Variants in GALNT8 observed in about 807,000 individuals in gnomAD.
GALNT8 encodes the protein polypeptide N-acetylgalactosaminyltransferase 8.
GALNT8 carries 66 observed loss-of-function variants against 62.7 expected under a neutral mutation model. That is an observed-to-expected ratio of 1.05 (90% CI 0.86 to 1.29). The LOEUF (loss-of-function observed/expected upper bound fraction) is 1.29. Among genes scored for constraint, GALNT8 ranks in the 50% most tolerant of loss-of-function variants. GALNT8 has a pLI of 0.00. For synonymous variants in GALNT8, 288 were observed against 294.3 expected (o/e 0.98, Z 0.22); for missense variants, 771 against 791.8 (o/e 0.97, Z 0.32).
In GALNT8 at chr12:4,771,459, T is replaced by C. The variant is rs529631314; in HGVS notation, c.1762-986T>C. Among the ~76,000 whole-genome samples the C allele has an allele frequency of 6.6e-5, 10 of 151,846 alleles. No individual in the cohort carries two copies. The South Asian group carries it at 2.1e-3, about 32-fold the overall frequency. On this transcript the variant is annotated intron_variant, in intron 10 of 10. Coordinates refer to ENST00000252318, the MANE Select transcript of GALNT8 (RefSeq NM_017417.2). ...AAGGGCTGTTAGAGGCAGTTTGTGA[T>C]TGGAAGAGATGAGAGGCAGGGAGGT...
chr12:4,770,663 C>CTGGGGCACTGAGGAGTCCAATTATTTGCT, intron 10 of GALNT8, among the ~76,000 whole-genome samples: 1 of 152,164 alleles, frequency 6.6e-6, no homozygotes, highest in Non-Finnish European at 1.5e-5. Context: ...CATGAAGTAA[C>CTGGGGCACTGAGGAGTCCAATTATTTGCT]TGGGGCACTG....
At chr12:4,732,003 C>G (rs1946223952) in intron 2 of GALNT8, among the ~76,000 whole-genome samples, 1 of 152,028 alleles carries the variant, frequency 6.6e-6, no homozygotes, top group South Asian at 2.1e-4. Context: ...TAGGGGAGAC[C>G]TATGTGTGGG....
chr12:4,732,391 A>G (rs1433187954), intron 2 of GALNT8, among the ~76,000 whole-genome samples: 1 of 150,968 alleles, frequency 6.6e-6, no homozygotes, highest in Non-Finnish European at 1.5e-5. Context: ...CAACCAACAA[A>G]CACTTTTTCA....
chr12:4,720,674 G>A lies in GALNT8; in HGVS notation c.-4G>A. The A allele has an allele frequency of 3.1e-6, 5 of 1,597,892 alleles. No homozygotes were observed. Among genetic ancestry groups the A allele is most frequent in the Non-Finnish European group, 4.3e-6 (5 of 1,165,210 alleles). ...ACAGGGAGTGGACGACCCCCAGGAA[G>A]AAGATGATGTTTTGGAGGAAACTCC... is the stretch of plus-strand genomic sequence containing the variant. On this transcript the variant is annotated 5_prime_UTR_variant, in exon 1 of 11. Transcript: ENST00000252318.
rs75498746 is a variant in GALNT8, at chr12:4,742,358, T to C, written c.677-2159T>C. Among the ~76,000 whole-genome samples the C allele has an allele frequency of 3.8e-3, 582 of 152,358 alleles. 4 individuals carry two copies. Among genetic ancestry groups the C allele is most frequent in the African/African-American group, 0.013 (548 of 41,580 alleles). On this transcript the variant is annotated intron_variant, in intron 3 of 10. Transcript: ENST00000252318. ...CTCAAATGTTATGTGAGATGTAAGC[T>C]TTTTAAAAATTATATCAAGGTAGGT...
intron 6 of GALNT8, among the ~76,000 whole-genome samples, chr12:4,759,475 C>CT (rs3837512): frequency 0.37 from 55,648 of 148,548 alleles, 10,742 homozygotes; most frequent in Admixed American, 0.44. Flanking sequence ...GCAAAACACT[C>CT]TAGCTGCCAG....
At chr12:4,743,459 TC>T (rs569910216) in intron 3 of GALNT8, among the ~76,000 whole-genome samples, 191 of 152,346 alleles carry the variant, frequency 1.3e-3, no homozygotes, top group Non-Finnish European at 1.7e-3. Context: ...AGGTGTTGAT[TC>T]CAGGTCTTGA....
At chr12:4,769,658 C>T (rs1946414386) in intron 10 of GALNT8, among the ~76,000 whole-genome samples, 1 of 151,760 alleles carries the variant, frequency 6.6e-6, no homozygotes, top group Non-Finnish European at 1.5e-5. Flanking sequence ...GTAAAGACCA[C>T]ATATACAATA....
intron 1 of GALNT8, among the ~76,000 whole-genome samples, chr12:4,721,840 T>C (rs1171799836): frequency 6.6e-6 from 1 of 152,182 alleles, no homozygotes; most frequent in Non-Finnish European, 1.5e-5. Flanking sequence ...ATATTTCAGA[T>C]GGTCACATGG....
In GALNT8 at chr12:4,726,041, C is replaced by G. The variant is rs1946193994; in HGVS notation, c.212-491C>G. On this transcript the variant is annotated intron_variant, in intron 1 of 10. Transcript: ENST00000252318. This position sits in a 1 kb window ranked among gnomAD's most constrained non-coding sequence, Gnocchi z 4.1. The stretch of plus-strand genomic sequence containing the variant: ...TGTAGTAAGTGTTTCTTAAGTTTTA[C>G]TGTAAAAAGAATTACTCCTTGGTTT... 6.6e-6 allele frequency among the ~76,000 whole-genome samples: 1 copy of G among 152,094 alleles called. No individual in the cohort carries two copies. Among genetic ancestry groups the G allele is most frequent in the African/African-American group, 2.4e-5 (1 of 41,406 alleles).
intron 10 of GALNT8, among the ~76,000 whole-genome samples, chr12:4,767,566 A>T (rs573421989): frequency 6.6e-5 from 10 of 152,300 alleles, no homozygotes; most frequent in African/African-American, 2.2e-4. Flanking sequence ...TTTTGACTTA[A>T]TGTAGGAGCA....
At chr12:4,727,572 T>C (rs1946202080) in intron 2 of GALNT8, among the ~76,000 whole-genome samples, 1 of 152,270 alleles carries the variant, frequency 6.6e-6, no homozygotes, top group African/African-American at 2.4e-5. Context: ...CCTATGGATT[T>C]GTCTGTTCCG....
In GALNT8 at chr12:4,744,673, A is replaced by T; in HGVS notation, c.833A>T (p.Asp278Val). The change falls in exon 4 of 11, where the codon GAT (aspartate) becomes GTT (valine). Residue 278 changes from aspartate (D) to valine (V), a missense_variant. Transcript: ENST00000252318. ...ACAGCAGACGTGGTCGCCATCTTGG[A>T]TGCTCACATTGAAGTCAATGTTGGG... The part of the protein sequence containing the change: ...AATADVVAIL[D>V]AHIEVNVGWA... 6.2e-7 allele frequency: 1 copy of T among 1,612,856 alleles called. No individual in the cohort carries two copies. Among genetic ancestry groups the T allele is most frequent in the Non-Finnish European group, 8.5e-7 (1 of 1,179,580 alleles).
In GALNT8 at chr12:4,745,516, A is replaced by G; in HGVS notation, c.948A>G (p.Lys316=). 3.7e-6 allele frequency: 6 copies of G among 1,613,088 alleles called. No homozygotes were observed. Among genetic ancestry groups the G allele is most frequent in the Non-Finnish European group, 5.1e-6 (6 of 1,179,060 alleles). Residue 316 remains lysine, a synonymous_variant, in exon 5 of 11, where the codon AAA becomes AAG. Coordinates refer to ENST00000252318, the MANE Select transcript of GALNT8 (RefSeq NM_017417.2). ...VFDNIRFDTF[K]LDKYELAVDG... ...ACAACATTCGTTTTGACACCTTCAA[A>G]CTGGATAAGTATGAACTGGCAGTTG...
chr12:4,726,481 A>G lies in GALNT8; in HGVS notation c.212-51A>G, dbSNP rs1565381474. ...GATGGAAAGGAATACCCAGGTAACT[A>G]AGGAGGGGCTGAAATGTTTTCTCTC... On this transcript the variant is annotated intron_variant, in intron 1 of 10. Coordinates refer to ENST00000252318, the MANE Select transcript of GALNT8 (RefSeq NM_017417.2). This position sits in a 1 kb window ranked among gnomAD's most constrained non-coding sequence, Gnocchi z 4.1. 1.5e-6 allele frequency: 2 copies of G among 1,326,526 alleles called. No individual in the cohort carries two copies. The highest frequency in any genetic ancestry group is 1.1e-6 in the Non-Finnish European group (1 of 945,770). The allele number at this position is 1,326,526 out of a possible 1,614,324, so 82.2% of individuals were successfully genotyped here.
At position 4,772,673 on chromosome 12, in the gene GALNT8, T is replaced by C. The variant is rs1009835677; in HGVS notation, c.*76T>C. 13 of 1,159,954 alleles carry C rather than the reference T, an allele frequency of 1.1e-5. No homozygotes were observed. The highest frequency in any genetic ancestry group is 1.6e-5 in the Non-Finnish European group (13 of 790,588). 71.9% of individuals were successfully genotyped at this position (1,159,954 alleles called of 1,614,324 possible). On this transcript the variant is annotated 3_prime_UTR_variant, in exon 11 of 11. Transcript: ENST00000252318. ...TTCTACTCCTAACACTCCCAGCTTCTTTCTCAATGAGAAAGAAAGCATGTG... is the reference window on the plus strand; with the variant it reads ...TTCTACTCCTAACACTCCCAGCTTCCTTCTCAATGAGAAAGAAAGCATGTG...
rs1426254284 is a variant in GALNT8 at position 4,724,010 on chromosome 12, G to T, written c.212-2522G>T. ...GAAAAATACAAAAAATTAGCTGGGCGTGGTGGCGGGCGCCTGTAGTCCCAG... is the reference window on the plus strand; with the variant it reads ...GAAAAATACAAAAAATTAGCTGGGCTTGGTGGCGGGCGCCTGTAGTCCCAG... On this transcript the variant is annotated intron_variant, in intron 1 of 10. Transcript: ENST00000252318. Among the ~76,000 whole-genome samples, 3 of 146,028 alleles carry T rather than the reference G, an allele frequency of 2.1e-5. No individual in the cohort carries two copies. In the East Asian group the frequency reaches 6.1e-4, roughly 30 times the overall value.
intron 7 of GALNT8, 30 bp downstream of exon 7, chr12:4,761,173 A>C: frequency 6.3e-7 from 1 of 1,585,164 alleles, no homozygotes; most frequent in Non-Finnish European, 8.7e-7. Flanking sequence ...AGCAGCACGG[A>C]AGAATGAAAG....
chr12:4,726,832 G>A lies in GALNT8; in HGVS notation c.509+3G>A. 1.2e-6 allele frequency: 2 copies of A among 1,606,314 alleles called. No homozygotes were observed. The highest frequency in any genetic ancestry group is 1.7e-6 in the Non-Finnish European group (2 of 1,175,286). On this transcript the variant is annotated splice_donor_region_variant and intron_variant, in intron 2 of 10. Coordinates refer to ENST00000252318, the MANE Select transcript of GALNT8 (RefSeq NM_017417.2). This position sits in a 1 kb window ranked among gnomAD's most constrained non-coding sequence, Gnocchi z 4.1. The stretch of plus-strand genomic sequence containing the variant: ...ATCCCCGACACGCGAGACTACAGGT[G>A]GGATGAACCAGGCTTGGGCTTCTAG...
Sources: allele counts gnomAD v4.1 joint callset (sites outside exome capture counted in the v4.1 genomes callset), GRCh38; gene constraint gnomAD v4.1.1; non-coding constraint Gnocchi (gnomAD v3.1); transcripts MANE v1.5; gene names NCBI Gene and HGNC (gene_info 2026-07-23, HGNC 2026-07-21).